Variants in BANK1 observed in about 807,000 individuals in gnomAD.
BANK1 encodes the protein B-cell scaffold protein with ankyrin repeats.
BANK1 carries 95 observed loss-of-function variants against 94.5 expected under a neutral mutation model. That is an observed-to-expected ratio of 1.00 (90% confidence interval 0.85 to 1.19). The LOEUF (loss-of-function observed/expected upper bound fraction) is 1.19. BANK1 is among the 50% of genes most tolerant of loss of function. The probability of loss-of-function intolerance (pLI) is 0.00; values close to 1 mark genes in which losing one functional copy is unlikely to be tolerated. For synonymous variants in BANK1, 334 were observed against 308.4 expected (o/e 1.08, Z -0.87); for missense variants, 987 against 932.2 (o/e 1.06, Z -0.77).
chr4:101,828,383 T>TTATATATATATA (rs60877981), intron 1 of BANK1, among the ~76,000 whole-genome samples: 31 of 142,118 alleles, frequency 2.2e-4, no homozygotes, highest in African/African-American at 7.2e-4. Context: ...ATGAGTGAAT[T>TTATATATATATA]TATATATATA....
chr4:101,826,821 T>A (rs1418977441), intron 1 of BANK1, among the ~76,000 whole-genome samples: 1 of 152,004 alleles, frequency 6.6e-6, no homozygotes, highest in Non-Finnish European at 1.5e-5. Flanking sequence ...CAAGAAATTG[T>A]GCTTGGCATT....
At chr4:102,056,860 G>A (rs923267523) in intron 11 of BANK1, among the ~76,000 whole-genome samples, 1 of 152,036 alleles carries the variant, frequency 6.6e-6, no homozygotes, top group Admixed American at 6.5e-5. Flanking sequence ...ACAAAAACTA[G>A]CCAGTTATGG....
chr4:101,956,586 G>A (rs1040251952), intron 7 of BANK1, among the ~76,000 whole-genome samples: 3 of 152,096 alleles, frequency 2.0e-5, no homozygotes, highest in Admixed American at 1.3e-4. Flanking sequence ...AGCACTTGAG[G>A]ATGATATCCA....
intron 6 of BANK1, among the ~76,000 whole-genome samples, chr4:101,903,452 G>GA (rs1722347268): frequency 6.6e-6 from 1 of 152,172 alleles, no homozygotes; most frequent in Admixed American, 6.5e-5. Context: ...TAGAGTCTGT[G>GA]AATTAGTATG....
intron 7 of BANK1, among the ~76,000 whole-genome samples, chr4:101,938,540 A>G (rs1164748093): frequency 2.0e-5 from 3 of 151,696 alleles, no homozygotes; most frequent in Non-Finnish European, 4.4e-5. Context: ...ATGCATGCCT[A>G]TATCAAAATA....
At chr4:101,826,652 C>G (rs1446873034) in intron 1 of BANK1, among the ~76,000 whole-genome samples, 1 of 151,818 alleles carries the variant, frequency 6.6e-6, no homozygotes, top group African/African-American at 2.4e-5. Flanking sequence ...TATTTAGCAT[C>G]CAGGCTAGAT....
chr4:101,905,553 G>A (rs149662617), intron 6 of BANK1, among the ~76,000 whole-genome samples: 108 of 152,054 alleles, frequency 7.1e-4, no homozygotes, highest in African/African-American at 2.0e-3. Context: ...CCTATCTGGC[G>A]GCCTGACTCG....
rs577389253 is a variant in BANK1 at position 101,895,142 on chromosome 4, C to CACT, written c.904-162_904-161insCTA. On this transcript the variant is annotated intron_variant, in intron 5 of 16. Coordinates refer to ENST00000322953, the MANE Select transcript of BANK1 (RefSeq NM_017935.5). ...GTTATCTTAGTAATTGGTTTTTAGG[C>CACT]AAGGCCCTTATGTTTTGATTTATTC... is the stretch of plus-strand genomic sequence containing the variant. 1.7e-3 allele frequency among the ~76,000 whole-genome samples: 257 copies of CACT among 151,792 alleles called. 1 individual carries two copies. Among genetic ancestry groups the CACT allele is most frequent in the African/African-American group, 6.0e-3 (247 of 41,478 alleles).
chr4:102,035,085 G>C (rs573553929), intron 10 of BANK1, among the ~76,000 whole-genome samples: 1 of 152,300 alleles, frequency 6.6e-6, no homozygotes, highest in African/African-American at 2.4e-5. Context: ...ATCCACATCA[G>C]TGTGGGTAGA....
rs1560682278 is a variant in BANK1, at chr4:102,007,143, ATTTTAT to A, written c.1207-14370_1207-14365del. On this transcript the variant is annotated intron_variant, in intron 7 of 16. Coordinates refer to ENST00000322953, the MANE Select transcript of BANK1 (RefSeq NM_017935.5). The stretch of plus-strand genomic sequence containing the variant: ...TATTTTATATATATATAAAAAATAT[ATTTTAT>A]ATATATATATATATATATATAAAAT... Among the ~76,000 whole-genome samples, 7 of 31,032 alleles carry A rather than the reference ATTTTAT, an allele frequency of 2.3e-4. 1 individual carries two copies. Among genetic ancestry groups the A allele is most frequent in the African/African-American group, 5.1e-4 (3 of 5,940 alleles). 20.4% of individuals were successfully genotyped at this position (31,032 alleles called of 152,430 possible).
rs544165327 is a variant in BANK1, at chr4:101,913,207, AT to A, written c.1010-4778del. 1.0e-3 allele frequency among the ~76,000 whole-genome samples: 158 copies of A among 152,134 alleles called. 1 individual carries two copies. Among genetic ancestry groups the A allele is most frequent in the African/African-American group, 3.8e-3 (156 of 41,522 alleles). On this transcript the variant is annotated intron_variant, in intron 6 of 16. Coordinates refer to ENST00000322953, the MANE Select transcript of BANK1 (RefSeq NM_017935.5). Reference sequence around the variant, plus strand: ...ACAAAGTTGGTAATTTTCAAAAGGAATTTTTTTTAATGAATGTAGAGGAAAA... The same window carrying A: ...ACAAAGTTGGTAATTTTCAAAAGGAATTTTTTTAATGAATGTAGAGGAAAA...
intron 7 of BANK1, among the ~76,000 whole-genome samples, chr4:101,948,093 T>C (rs1354492873): frequency 6.6e-6 from 1 of 152,152 alleles, no homozygotes; most frequent in Non-Finnish European, 1.5e-5. Flanking sequence ...AAACAATGAA[T>C]GTATGTCATT....
intron 7 of BANK1, among the ~76,000 whole-genome samples, chr4:101,950,066 T>TGTGTGC (rs1560648642): frequency 6.6e-5 from 8 of 121,896 alleles, no homozygotes; most frequent in African/African-American, 2.6e-4. Flanking sequence ...TGTGTGCGCG[T>TGTGTGC]GCGCGCGCAT....
intron 7 of BANK1, among the ~76,000 whole-genome samples, chr4:101,947,359 C>T (rs1425723508): frequency 7.1e-6 from 1 of 141,174 alleles, no homozygotes; most frequent in Non-Finnish European, 1.5e-5. Flanking sequence ...AGGAGTGACA[C>T]TCTTCATCTG....
intron 7 of BANK1, among the ~76,000 whole-genome samples, chr4:101,969,075 C>A (rs1006699023): frequency 6.6e-6 from 1 of 151,994 alleles, no homozygotes; most frequent in African/African-American, 2.4e-5. Flanking sequence ...AGACTCTTCT[C>A]AGTATGCTTT....
At chr4:101,805,032 C>T (rs1249494751) in intron 1 of BANK1, among the ~76,000 whole-genome samples, 1 of 152,114 alleles carries the variant, frequency 6.6e-6, no homozygotes, top group East Asian at 1.9e-4. Flanking sequence ...TATAAATCTG[C>T]CACTATGTCA....
At chr4:101,830,516 G>A (rs1726575801) in intron 2 of BANK1, among the ~76,000 whole-genome samples, 1 of 152,102 alleles carries the variant, frequency 6.6e-6, no homozygotes, top group Non-Finnish European at 1.5e-5. Flanking sequence ...GTTTGGTTCT[G>A]GAAGCTGGTT....
intron 10 of BANK1, among the ~76,000 whole-genome samples, chr4:102,031,397 A>C (rs950696564): frequency 3.3e-5 from 5 of 152,080 alleles, no homozygotes; most frequent in African/African-American, 1.2e-4. Context: ...TTGCGTGTTC[A>C]CTCTGATGAT....
At chr4:101,820,884 T>A (rs577348022) in intron 1 of BANK1, among the ~76,000 whole-genome samples, 5 of 152,214 alleles carry the variant, frequency 3.3e-5, no homozygotes, top group African/African-American at 1.2e-4. Flanking sequence ...TGATGGGCTC[T>A]TAGGTTGATA....
Sources: gnomAD v4.1 joint callset for allele counts (sites outside exome capture counted in the v4.1 genomes callset) on GRCh38, gnomAD v4.1.1 for gene constraint, MANE v1.5 for transcripts, NCBI Gene and HGNC (gene_info 2026-07-23, HGNC 2026-07-21) for gene names.